HTR2C: variants seen among roughly 807,000 people sequenced by gnomAD.
HTR2C encodes the protein 5-hydroxytryptamine receptor 2C.
Under a neutral mutation model 21.0 loss-of-function variants are expected in HTR2C, and 5 were observed. That is an observed-to-expected ratio of 0.24 (90% CI 0.12 to 0.50). The LOEUF is 0.50. HTR2C is among the 20% of genes least tolerant of loss of function. The pLI is 0.98. For missense variants in HTR2C, 271 were observed against 371.2 expected (o/e 0.73, Z 2.22); for synonymous variants, 150 against 145.3 (o/e 1.03, Z -0.23).
chrX:114,685,822 G>T (rs184112712), intron 2 of HTR2C, among the ~76,000 whole-genome samples: 1 of 111,926 alleles, frequency 8.9e-6, no homozygotes. Flanking sequence ...TACTTTATCC[G>T]TGTTAAAAAT....
chrX:114,693,634 AC>A, intron 2 of HTR2C, among the ~76,000 whole-genome samples: 1 of 111,187 alleles, frequency 9.0e-6, no homozygotes, highest in East Asian at 2.8e-4. Context: ...GCCAGTAGCC[AC>A]AATTTTCCAA....
At chrX:114,638,087 G>T (rs1556405600) in intron 2 of HTR2C, among the ~76,000 whole-genome samples, 1 of 111,419 alleles carries the variant, frequency 9.0e-6, no homozygotes, top group Non-Finnish European at 1.9e-5. Flanking sequence ...AATGTAGAAA[G>T]AAATGACTCA....
chrX:114,615,813 T>C (rs1928925880), intron 2 of HTR2C, among the ~76,000 whole-genome samples: 1 of 112,144 alleles, frequency 8.9e-6, no homozygotes, highest in African/African-American at 3.2e-5. Flanking sequence ...TACACACACC[T>C]GTTGACACTT....
intron 5 of HTR2C, among the ~76,000 whole-genome samples, chrX:114,899,272 T>C (rs2071319267): frequency 9.0e-6 from 1 of 111,522 alleles, no homozygotes; most frequent in South Asian, 3.8e-4. Flanking sequence ...TCCAAACCAG[T>C]GGGTCTTATC....
At chrX:114,617,731 A>C (rs1029975) in intron 2 of HTR2C, among the ~76,000 whole-genome samples, 2,524 of 111,941 alleles carry the variant, frequency 0.023, 32 homozygotes, top group Admixed American at 0.04. Context: ...CAAAAACTAA[A>C]AATTAAAAAA....
At chrX:114,782,324 A>G (rs2070128201) in intron 4 of HTR2C, among the ~76,000 whole-genome samples, 1 of 111,474 alleles carries the variant, frequency 9.0e-6, no homozygotes, top group African/African-American at 3.3e-5. Context: ...AGGAAAGTGA[A>G]TCTAGATAGA....
chrX:114,643,205 A>G (rs1411532682), intron 2 of HTR2C, among the ~76,000 whole-genome samples: 1 of 109,723 alleles, frequency 9.1e-6, no homozygotes, highest in African/African-American at 3.3e-5. Flanking sequence ...CATTCAAAAT[A>G]TATTAGGTTG....
chrX:114,621,235 C>G (rs1929152945), intron 2 of HTR2C, among the ~76,000 whole-genome samples: 1 of 111,381 alleles, frequency 9.0e-6, no homozygotes, highest in Admixed American at 9.6e-5. Context: ...CACTTGGAGT[C>G]ACAAGGTAAT....
chrX:114,634,154 C>T (rs1929753107), intron 2 of HTR2C, among the ~76,000 whole-genome samples: 1 of 110,137 alleles, frequency 9.1e-6, no homozygotes, highest in South Asian at 3.9e-4. Context: ...TTTAAATCTA[C>T]TTTTAAATTA....
intron 4 of HTR2C, among the ~76,000 whole-genome samples, chrX:114,788,958 T>C (rs1237098877): frequency 1.8e-5 from 2 of 112,048 alleles, no homozygotes; most frequent in African/African-American, 6.5e-5. Context: ...GGGATATTTT[T>C]GGAAAATATT....
intron 2 of HTR2C, among the ~76,000 whole-genome samples, chrX:114,616,764 T>C (rs186215784): frequency 1.6e-3 from 175 of 112,119 alleles, no homozygotes; most frequent in African/African-American, 5.4e-3. Context: ...CAATGTCTCC[T>C]GTGAAAATAA....
At chrX:114,835,681 C>A (rs368915173) in intron 4 of HTR2C, among the ~76,000 whole-genome samples, 1 of 111,889 alleles carries the variant, frequency 8.9e-6, no homozygotes, top group African/African-American at 3.3e-5. Context: ...GTAATTTGAT[C>A]GTCTGAAGCC....
At chrX:114,676,462 C>G (rs782203527) in intron 2 of HTR2C, among the ~76,000 whole-genome samples, 46 of 111,348 alleles carry the variant, frequency 4.1e-4, no homozygotes, top group Non-Finnish European at 7.7e-4. Context: ...AAAAAAAGGA[C>G]TAACTTTTGA....
chrX:114,599,403 G>A (rs1390706464), intron 1 of HTR2C, among the ~76,000 whole-genome samples: 1 of 111,875 alleles, frequency 8.9e-6, no homozygotes, highest in Non-Finnish European at 1.9e-5. Context: ...GTCTGAAAGA[G>A]CTCAAGACTG....
intron 4 of HTR2C, among the ~76,000 whole-genome samples, chrX:114,785,944 G>A (rs1288535975): frequency 8.9e-6 from 1 of 112,186 alleles, no homozygotes; most frequent in African/African-American, 3.2e-5. Context: ...CCCAGAATAA[G>A]AGTAGTAACC....
At chrX:114,836,415 GT>G (rs1424314731) in intron 4 of HTR2C, among the ~76,000 whole-genome samples, 26 of 112,750 alleles carry the variant, frequency 2.3e-4, no homozygotes, top group Non-Finnish European at 4.3e-4. Context: ...GTGGTGCGCC[GT>G]TTTTTAAGCC....
rs995446532 is a variant in HTR2C at position 114,908,805 on chromosome X, A to C, written c.*1390A>C. 6.2e-5 allele frequency: 7 copies of C among 112,775 alleles called. No individual in the cohort carries two copies. Among genetic ancestry groups the C allele is most frequent in the African/African-American group, 2.3e-4 (7 of 30,969 alleles). 9.3% of individuals were successfully genotyped at this position (112,775 alleles called of 1,213,427 possible). A position where few individuals can be genotyped will look rare whatever the true frequency, so the allele number is the denominator to read the frequency against. ...TTTTAATAGTTTCTAAACCATGAAA[A>C]GTTTTCAAGCATTGCTAAAGTCAGG... is the stretch of plus-strand genomic sequence containing the variant. On this transcript the variant is annotated 3_prime_UTR_variant, in exon 6 of 6. Coordinates refer to ENST00000276198, the MANE Select transcript of HTR2C (RefSeq NM_000868.4).
intron 2 of HTR2C, among the ~76,000 whole-genome samples, chrX:114,726,035 G>T (rs1211067754): frequency 8.9e-6 from 1 of 111,738 alleles, no homozygotes; most frequent in Non-Finnish European, 1.9e-5. Context: ...AGCTGTGGTG[G>T]GTTCCACCCA....
intron 4 of HTR2C, among the ~76,000 whole-genome samples, chrX:114,783,535 A>G (rs2070141390): frequency 8.9e-6 from 1 of 112,154 alleles, no homozygotes; most frequent in Admixed American, 9.5e-5. Flanking sequence ...AATTGATAGA[A>G]CAAGCTGGAA....
Sources: allele counts gnomAD v4.1 joint callset (sites outside exome capture counted in the v4.1 genomes callset), GRCh38; gene constraint gnomAD v4.1.1; transcripts MANE v1.5; gene names NCBI Gene and HGNC (gene_info 2026-07-23, HGNC 2026-07-21).